LRPAP1: variants seen among roughly 807,000 people sequenced by gnomAD.
LRPAP1 encodes the protein alpha-2-macroglobulin receptor-associated protein.
A neutral mutation model predicts 39.9 loss-of-function variants in LRPAP1; 41 were observed. That is an observed-to-expected ratio of 1.03 (90% confidence interval 0.80 to 1.33). LRPAP1 has a LOEUF of 1.33. Ranked by LOEUF, LRPAP1 falls within the 40% of genes most tolerant of loss-of-function variation. LRPAP1 has a pLI of 0.00. For synonymous variants in LRPAP1, 263 were observed against 212.7 expected (o/e 1.24, Z -2.06); for missense variants, 565 against 482.3 (o/e 1.17, Z -1.61).
At position 3,512,954 on chromosome 4, in the gene LRPAP1, G is replaced by T. The variant is rs776714366; in HGVS notation, c.*20C>A. 3.7e-6 allele frequency: 6 copies of T among 1,604,838 alleles called. No homozygotes were observed. Among genetic ancestry groups the T allele is most frequent in the Non-Finnish European group, 4.3e-6 (5 of 1,176,232 alleles). On this transcript the variant is annotated 3_prime_UTR_variant, in exon 8 of 8. Transcript: ENST00000650182. ...CTTCACGCTGGCCTCTTCCCTGCCG[G>T]GCTGGGCTCCCCAATGCCTTCAGAG...
chr4:3,514,523 C>A (rs1729630975), intron 7 of LRPAP1, among the ~76,000 whole-genome samples: 1 of 152,254 alleles, frequency 6.6e-6, no homozygotes. Flanking sequence ...GGCCTGCGCT[C>A]TCACCTGAGG....
Position 3,516,212 on chromosome 4 carries a change from G to C in LRPAP1, c.752-14C>G. 6.4e-7 allele frequency: 1 copy of C among 1,558,270 alleles called. No individual in the cohort carries two copies. Among genetic ancestry groups the C allele is most frequent in the Non-Finnish European group, 8.7e-7 (1 of 1,150,460 alleles). ...GCTCCTCGAACTCTGCAGGGGAGGA[G>C]CAAGAGTGGCCTCAGCAGCACCCGG... On this transcript the variant is annotated splice_polypyrimidine_tract_variant and intron_variant, in intron 5 of 7. Transcript: ENST00000650182.
At chr4:3,516,032 G>A in intron 6 of LRPAP1, 84 bp downstream of exon 6, 3 of 1,279,040 alleles carry the variant, frequency 2.3e-6, no homozygotes, top group Non-Finnish European at 3.3e-6. Flanking sequence ...GCTTGGAGGA[G>A]AGGGCTGCAT....
chr4:3,512,870 G>C lies in LRPAP1; in HGVS notation c.*104C>G. On this transcript the variant is annotated 3_prime_UTR_variant, in exon 8 of 8. Coordinates refer to ENST00000650182, the MANE Select transcript of LRPAP1 (RefSeq NM_002337.4). Reference sequence around the variant, plus strand: ...CCTTCCTGCCTCGACACCCGTGCCAGCCCCAGCCACCCTGACGGCGGGCTG... The same window carrying C: ...CCTTCCTGCCTCGACACCCGTGCCACCCCCAGCCACCCTGACGGCGGGCTG... The C allele has an allele frequency of 1.0e-6, 1 of 1,002,876 alleles. No homozygotes were observed. The highest frequency in any genetic ancestry group is 1.5e-6 in the Non-Finnish European group (1 of 678,820). The allele number at this position is 1,002,876 out of a possible 1,614,324, so 62.1% of individuals were successfully genotyped here. A position where few individuals can be genotyped will look rare whatever the true frequency, so the allele number is the denominator to read the frequency against.
rs1729574117 is a variant in LRPAP1 at position 3,512,908 on chromosome 4, C to G, written c.*66G>C. The G allele has an allele frequency of 1.4e-6, 2 of 1,465,914 alleles. No individual in the cohort carries two copies. The highest frequency in any genetic ancestry group is 1.9e-6 in the Non-Finnish European group (2 of 1,076,274). 90.8% of individuals were successfully genotyped at this position (1,465,914 alleles called of 1,614,324 possible). On this transcript the variant is annotated 3_prime_UTR_variant, in exon 8 of 8. Coordinates refer to ENST00000650182, the MANE Select transcript of LRPAP1 (RefSeq NM_002337.4). ...TGACGGCGGGCTGTCCACGGAAATGCCACGGCCAAGAGCCCAGGTCCTTCA... is the reference window on the plus strand; with the variant it reads ...TGACGGCGGGCTGTCCACGGAAATGGCACGGCCAAGAGCCCAGGTCCTTCA...
rs143841560 is a variant in LRPAP1 at position 3,512,988 on chromosome 4, G to C, written c.1060C>G (p.His354Asp). The change falls in exon 8 of 8, where the codon CAC (histidine) becomes GAC (aspartate). Residue 354 changes from histidine (H) to aspartate (D), a missense_variant. Coordinates refer to ENST00000650182, the MANE Select transcript of LRPAP1 (RefSeq NM_002337.4). Reference protein sequence around the residue: ...DLSGRISRARHNEL With the variant: ...DLSGRISRARDNEL ...CCCCAATGCCTTCAGAGTTCGTTGTGCCGAGCTCTGGAGATCCTGCCGGAC... is the reference window on the plus strand; with the variant it reads ...CCCCAATGCCTTCAGAGTTCGTTGTCCCGAGCTCTGGAGATCCTGCCGGAC... The C allele has an allele frequency of 5.3e-4, 859 of 1,611,786 alleles. 1 individual carries two copies. Among genetic ancestry groups the C allele is most frequent in the Non-Finnish European group, 7.1e-4 (832 of 1,179,152 alleles).
rs955975758 is a variant in LRPAP1 at position 3,510,044 on chromosome 4, T to C, written c.*2930A>G. On this transcript the variant is annotated 3_prime_UTR_variant, in exon 8 of 8. Transcript: ENST00000650182. ...AACATATATGGAAACACCAAGGACA[T>C]AAACAGCCACAAGAATCTTTAAAAA... 6.6e-6 allele frequency: 1 copy of C among 152,146 alleles called. No homozygotes were observed. The highest frequency in any genetic ancestry group is 2.4e-5 in the African/African-American group (1 of 41,436). The allele number at this position is 152,146 out of a possible 1,614,324, so 9.4% of individuals were successfully genotyped here. A position where few individuals can be genotyped will look rare whatever the true frequency, so the allele number is the denominator to read the frequency against.
In LRPAP1 at chr4:3,518,920, C is replaced by G; in HGVS notation, c.543G>C (p.Glu181Asp). 6.2e-7 allele frequency: 1 copy of G among 1,613,930 alleles called. No homozygotes were observed. Among genetic ancestry groups the G allele is most frequent in the Non-Finnish European group, 8.5e-7 (1 of 1,179,964 alleles). Residue 181 changes from glutamate to aspartate, a missense_variant, in exon 4 of 8, where the codon GAG (glutamate) becomes GAC (aspartate). Glu to Asp is a conservative substitution (Grantham distance 45). Coordinates refer to ENST00000650182, the MANE Select transcript of LRPAP1 (RefSeq NM_002337.4). Reference protein sequence around the residue: ...KLWREFLHHKEKVHEYNVLLE... With the variant: ...KLWREFLHHKDKVHEYNVLLE... Reference sequence around the variant, plus strand: ...GCAGGACGTTGTACTCGTGAACTTTCTCTTTGTGATGCAGGAACTCCCGCC... The same window carrying G: ...GCAGGACGTTGTACTCGTGAACTTTGTCTTTGTGATGCAGGAACTCCCGCC...
intron 1 of LRPAP1, among the ~76,000 whole-genome samples, chr4:3,527,823 T>G (rs1021045356): frequency 2.0e-5 from 3 of 152,184 alleles, no homozygotes; most frequent in Non-Finnish European, 4.4e-5. Flanking sequence ...CCCTGTAACT[T>G]GCAGTCCTCA....
chr4:3,531,607 C>A (rs199804283), intron 1 of LRPAP1, among the ~76,000 whole-genome samples: 1 of 152,266 alleles, frequency 6.6e-6, no homozygotes, highest in East Asian at 1.9e-4. Flanking sequence ...GGTGCCCTTT[C>A]CCCTCGGGGC....
At position 3,516,182 on chromosome 4, in the gene LRPAP1, C is replaced by T; in HGVS notation, c.768G>A (p.Arg256=). ...YSTEAEFEEP[R]VIDLWDLAQS... is the part of the protein sequence containing the mutation. ...GCGCCAGGTCCCACAGGTCAATCAC[C>T]CTGGGCTCCTCGAACTCTGCAGGGG... Residue 256 remains arginine, a synonymous_variant, in exon 6 of 8, where the codon AGG becomes AGA. Coordinates refer to ENST00000650182, the MANE Select transcript of LRPAP1 (RefSeq NM_002337.4). 6.3e-7 allele frequency: 1 copy of T among 1,576,830 alleles called. No individual in the cohort carries two copies. The highest frequency in any genetic ancestry group is 8.6e-7 in the Non-Finnish European group (1 of 1,161,582).
intron 1 of LRPAP1, among the ~76,000 whole-genome samples, chr4:3,528,991 A>C (rs1354791024): frequency 7.2e-5 from 11 of 152,254 alleles, no homozygotes; most frequent in Non-Finnish European, 1.5e-4. Flanking sequence ...GATGCTTCAC[A>C]CACTCTCATT....
In LRPAP1 at chr4:3,505,166, C is replaced by T. The variant is rs142872977; in HGVS notation, c.*7808G>A. Reference sequence around the variant, plus strand: ...AAGCTGCAGGTTGTGCCTGAGCTCACGGACACGAGGAAGAAGGGCGACCGT... The same window carrying T: ...AAGCTGCAGGTTGTGCCTGAGCTCATGGACACGAGGAAGAAGGGCGACCGT... On this transcript the variant is annotated 3_prime_UTR_variant, in exon 8 of 8. Coordinates refer to ENST00000650182, the MANE Select transcript of LRPAP1 (RefSeq NM_002337.4). Among the ~76,000 whole-genome samples the T allele has an allele frequency of 2.6e-5, 4 of 152,298 alleles. No individual in the cohort carries two copies. Among genetic ancestry groups the T allele is most frequent in the Non-Finnish European group, 4.4e-5 (3 of 68,024 alleles).
rs1435051648 is a variant in LRPAP1, at chr4:3,509,949, G to A, written c.*3025C>T. The A allele has an allele frequency of 6.6e-6, 1 of 152,046 alleles. No individual in the cohort carries two copies. Among genetic ancestry groups the A allele is most frequent in the African/African-American group, 2.4e-5 (1 of 41,428 alleles). The allele number at this position is 152,046 out of a possible 1,614,324, so 9.4% of individuals were successfully genotyped here. A position where few individuals can be genotyped will look rare whatever the true frequency, so the allele number is the denominator to read the frequency against. On this transcript the variant is annotated 3_prime_UTR_variant, in exon 8 of 8. Transcript: ENST00000650182. ...ATTCAGAAAAGGTATTCAAAAATGC[G>A]TTCAAGGGAATTGCTATTGAAATTC...
chr4:3,505,478 C>T lies in LRPAP1; in HGVS notation c.*7496G>A, dbSNP rs182959094. ...ACTCCGAGCGGCACTTCTTCCACACCGCGCAGCTGCCTGTGCCTGGCAGGG... is the reference window on the plus strand; with the variant it reads ...ACTCCGAGCGGCACTTCTTCCACACTGCGCAGCTGCCTGTGCCTGGCAGGG... On this transcript the variant is annotated 3_prime_UTR_variant, in exon 8 of 8. Transcript: ENST00000650182. Among the ~76,000 whole-genome samples, 560 of 152,348 alleles carry T rather than the reference C, an allele frequency of 3.7e-3. 1 individual carries two copies. Among genetic ancestry groups the T allele is most frequent in the African/African-American group, 0.013 (537 of 41,586 alleles).
Position 3,510,419 on chromosome 4 carries a change from C to A in LRPAP1, c.*2555G>T. 1 of 152,366 alleles carries A rather than the reference C, an allele frequency of 6.6e-6. No individual in the cohort carries two copies. The highest frequency in any genetic ancestry group is 1.5e-5 in the Non-Finnish European group (1 of 68,086). The allele number at this position is 152,366 out of a possible 1,614,324, so 9.4% of individuals were successfully genotyped here. On this transcript the variant is annotated 3_prime_UTR_variant, in exon 8 of 8. Coordinates refer to ENST00000650182, the MANE Select transcript of LRPAP1 (RefSeq NM_002337.4). ...TGAGATCACGCTACTGCACTCCAGC[C>A]TGAGGGACAGAGCAAGACCTTGTCT...
intron 5 of LRPAP1, among the ~76,000 whole-genome samples, chr4:3,517,500 C>A (rs530835917): frequency 5.9e-5 from 9 of 152,358 alleles, no homozygotes; most frequent in African/African-American, 2.2e-4. Flanking sequence ...TTCTGGTACA[C>A]CCTGCACAAG....
Position 3,518,868 on chromosome 4 carries a change from C to A in LRPAP1, c.592+3G>T. The A allele has an allele frequency of 6.4e-7, 1 of 1,573,678 alleles. No individual in the cohort carries two copies. The highest frequency in any genetic ancestry group is 1.4e-5 in the African/African-American group (1 of 73,050). Reference sequence around the variant, plus strand: ...GGCAGGAGGGGGTGGGGGCGGGGGGCACCTTCGGTCCTGCTCAGGGTCTCC... The same window carrying A: ...GGCAGGAGGGGGTGGGGGCGGGGGGAACCTTCGGTCCTGCTCAGGGTCTCC... On this transcript the variant is annotated splice_donor_region_variant and intron_variant, in intron 4 of 7. Transcript: ENST00000650182.
chr4:3,526,127 A>C (rs1416739985), intron 1 of LRPAP1, among the ~76,000 whole-genome samples: 2 of 152,204 alleles, frequency 1.3e-5, no homozygotes, highest in Non-Finnish European at 2.9e-5. Context: ...GCCTGTAGTG[A>C]CGCCAGCGCA....
Sources: gnomAD v4.1 joint callset for allele counts (sites outside exome capture counted in the v4.1 genomes callset) on GRCh38, gnomAD v4.1.1 for gene constraint, MANE v1.5 for transcripts, NCBI Gene and HGNC (gene_info 2026-07-23, HGNC 2026-07-21) for gene names.